CDC42BPA: variants seen among roughly 807,000 people sequenced by gnomAD.
CDC42BPA encodes the protein serine/threonine-protein kinase MRCK alpha.
In CDC42BPA, 80 loss-of-function variants were observed where a neutral mutation model predicts 223.5. That is an observed-to-expected ratio of 0.36 (90% CI 0.30 to 0.43). The LOEUF (loss-of-function observed/expected upper bound fraction) is 0.43, where lower values mean the gene tolerates loss of function less well. CDC42BPA is among the 20% of genes least tolerant of loss of function. The probability of loss-of-function intolerance (pLI) is 1.00; values close to 1 mark genes in which losing one functional copy is unlikely to be tolerated. For synonymous variants in CDC42BPA, 694 were observed against 718.6 expected (o/e 0.97, Z 0.55); for missense variants, 1,743 against 2,099.9 (o/e 0.83, Z 3.32).
At chr1:227,112,116 T>C (rs142379615) in intron 14 of CDC42BPA, 196 bp downstream of exon 14, 28 of 409,668 alleles carry the variant, frequency 6.8e-5, no homozygotes, top group Admixed American at 4.6e-4. Context: ...CCACTAAACA[T>C]AGTCCTCCAT....
intron 3 of CDC42BPA, among the ~76,000 whole-genome samples, chr1:227,205,145 T>C (rs1210888932): frequency 6.6e-6 from 1 of 150,718 alleles, no homozygotes; most frequent in Non-Finnish European, 1.5e-5. Flanking sequence ...ACTTGGGAGG[T>C]ACTCAGCCAG....
intron 21 of CDC42BPA, among the ~76,000 whole-genome samples, chr1:227,066,345 G>T (rs545259479): frequency 1.3e-5 from 2 of 151,802 alleles, no homozygotes; most frequent in Admixed American, 6.5e-5. Flanking sequence ...AGCTGAGATC[G>T]TGTCACCGCA....
chr1:227,282,302 T>C (rs1008557109), intron 1 of CDC42BPA, among the ~76,000 whole-genome samples: 5 of 152,206 alleles, frequency 3.3e-5, no homozygotes, highest in African/African-American at 1.2e-4. Context: ...CTAAAAATTA[T>C]TTTATGGTTC....
chr1:227,315,955 C>CAAAAAAAAAAAAAAAAAAAAAAA (rs71180728), intron 1 of CDC42BPA, among the ~76,000 whole-genome samples: 1 of 110,966 alleles, frequency 9.0e-6, no homozygotes. Flanking sequence ...ATTTCAAATC[C>CAAAAAAAAAAAAAAAAAAAAAAA]AAAAAAAAAA....
intron 5 of CDC42BPA, among the ~76,000 whole-genome samples, chr1:227,181,662 A>G (rs1382298365): frequency 6.6e-6 from 1 of 152,166 alleles, no homozygotes; most frequent in Non-Finnish European, 1.5e-5. Flanking sequence ...TCTAAAGAGT[A>G]TTTCCTCCAG....
intron 2 of CDC42BPA, among the ~76,000 whole-genome samples, chr1:227,249,927 C>T (rs1681675890): frequency 6.6e-6 from 1 of 152,076 alleles, no homozygotes; most frequent in South Asian, 2.1e-4. Context: ...ATTTAATTGT[C>T]CATTCTGAAA....
intron 2 of CDC42BPA, among the ~76,000 whole-genome samples, chr1:227,236,906 G>A (rs1399631359): frequency 6.6e-6 from 1 of 152,004 alleles, no homozygotes; most frequent in Non-Finnish European, 1.5e-5. Flanking sequence ...AGCCAGTTGT[G>A]GTGACACATG....
At chr1:227,208,478 T>G (rs1317918611) in intron 3 of CDC42BPA, among the ~76,000 whole-genome samples, 82 of 146,714 alleles carry the variant, frequency 5.6e-4, no homozygotes, top group African/African-American at 1.9e-3. Flanking sequence ...CTAGGGTTTT[T>G]ATGGTTTTAG....
intron 34 of CDC42BPA, among the ~76,000 whole-genome samples, chr1:227,015,610 A>G (rs932233304): frequency 5.3e-5 from 8 of 152,138 alleles, no homozygotes; most frequent in African/African-American, 1.7e-4. Flanking sequence ...AAATGGGCAA[A>G]GGAAAACGAT....
chr1:227,090,096 A>G (rs927885163), intron 16 of CDC42BPA, among the ~76,000 whole-genome samples: 1 of 152,170 alleles, frequency 6.6e-6, no homozygotes, highest in Non-Finnish European at 1.5e-5. Context: ...TGCACTATTC[A>G]TGGCTTAAAA....
intron 1 of CDC42BPA, among the ~76,000 whole-genome samples, chr1:227,285,149 G>C (rs1031905372): frequency 1.3e-5 from 2 of 152,072 alleles, no homozygotes; most frequent in South Asian, 2.1e-4. Flanking sequence ...TTCATTAATG[G>C]AGAGTCCAAA....
chr1:227,238,155 C>A (rs1353988942), intron 2 of CDC42BPA, among the ~76,000 whole-genome samples: 4 of 150,860 alleles, frequency 2.7e-5, no homozygotes, highest in Non-Finnish European at 5.9e-5. Context: ...GAGTTCAAGA[C>A]CAGCCTGGGC....
chr1:227,023,928 G>T (rs1572320624), intron 31 of CDC42BPA, among the ~76,000 whole-genome samples: 1 of 152,150 alleles, frequency 6.6e-6, no homozygotes, highest in Non-Finnish European at 1.5e-5. Flanking sequence ...TGTATCTTAT[G>T]ACCTTAAGGT....
chr1:227,198,102 C>CT (rs1015959572), intron 4 of CDC42BPA, among the ~76,000 whole-genome samples: 2 of 152,022 alleles, frequency 1.3e-5, no homozygotes, highest in African/African-American at 2.4e-5. Flanking sequence ...CATATTCACT[C>CT]TTACTACTTA....
rs141002463 is a variant in CDC42BPA, at chr1:227,000,313, C to A, written c.4975+4681G>T. The stretch of plus-strand genomic sequence containing the variant: ...TACTCTTTACTTTTTTGATGTGGAA[C>A]GTGTGTCTCCTTAGATTACGAGCTA... On this transcript the variant is annotated intron_variant, in intron 35 of 36. Coordinates refer to ENST00000366766, the MANE Select transcript of CDC42BPA (RefSeq NM_001394014.1). 2.2e-4 allele frequency among the ~76,000 whole-genome samples: 34 copies of A among 152,182 alleles called. No homozygotes were observed. The East Asian group carries it at 6.4e-3, about 29-fold the overall frequency.
intron 1 of CDC42BPA, among the ~76,000 whole-genome samples, chr1:227,278,931 A>C (rs1326961988): frequency 6.6e-6 from 1 of 152,140 alleles, no homozygotes; most frequent in Non-Finnish European, 1.5e-5. Flanking sequence ...AGAGAAGCAG[A>C]AGTTACATTC....
intron 1 of CDC42BPA, among the ~76,000 whole-genome samples, chr1:227,281,641 A>G (rs948042605): frequency 3.3e-5 from 5 of 152,174 alleles, no homozygotes; most frequent in African/African-American, 1.2e-4. Context: ...CCTGAGCACC[A>G]GGCAGCAATT....
At chr1:227,155,537 T>C (rs187342948) in intron 6 of CDC42BPA, among the ~76,000 whole-genome samples, 49 of 152,234 alleles carry the variant, frequency 3.2e-4, no homozygotes, top group Non-Finnish European at 5.7e-4. Context: ...GCAGTAGGTC[T>C]CTAGAACGAA....
intron 14 of CDC42BPA, among the ~76,000 whole-genome samples, chr1:227,108,159 C>G (rs974181429): frequency 9.2e-5 from 14 of 152,070 alleles, no homozygotes; most frequent in African/African-American, 3.4e-4. Flanking sequence ...TCTTCTTTTT[C>G]TAGTACCTTA....
Sources: gnomAD v4.1 joint callset for allele counts (sites outside exome capture counted in the v4.1 genomes callset) on GRCh38, gnomAD v4.1.1 for gene constraint, MANE v1.5 for transcripts, NCBI Gene and HGNC (gene_info 2026-07-23, HGNC 2026-07-21) for gene names.